ADAM17: variants seen among roughly 807,000 people sequenced by gnomAD.
ADAM17 encodes disintegrin and metalloproteinase domain-containing protein 17.
In ADAM17, 39 loss-of-function variants were observed where a neutral mutation model predicts 96.7. The observed-to-expected ratio is 0.40, with a 90% CI of 0.31 to 0.53. The LOEUF is 0.53. ADAM17 is among the 20% of genes least tolerant of loss of function. The probability of loss-of-function intolerance (pLI) is 0.44; values close to 1 mark genes in which losing one functional copy is unlikely to be tolerated. For missense variants in ADAM17, 777 were observed against 1,013.2 expected, an observed-to-expected ratio of 0.77 and a Z score of 3.17; for synonymous variants, 344 against 359.2, an observed-to-expected ratio of 0.96 and a Z score of 0.48.
At chr2:9,529,065 C>T (rs1558517834) in intron 4 of ADAM17, among the ~76,000 whole-genome samples, 1 of 152,314 alleles carries the variant, frequency 6.6e-6, no homozygotes, top group East Asian at 1.9e-4. Flanking sequence ...TTTATCCATA[C>T]AATGGAATAC....
At chr2:9,522,837 C>T (rs1347020167) in intron 7 of ADAM17, among the ~76,000 whole-genome samples, 1 of 151,858 alleles carries the variant, frequency 6.6e-6, no homozygotes, top group African/African-American at 2.4e-5. Flanking sequence ...GAGGAAAGAA[C>T]CTAAAGGTTC....
At chr2:9,505,388 G>A (rs1392727946) in intron 11 of ADAM17, 23 bp from the exon 12 acceptor site, 2 of 1,589,260 alleles carry the variant, frequency 1.3e-6, no homozygotes, top group Non-Finnish European at 8.6e-7. Flanking sequence ...AAGGCAATAA[G>A]GACCCAAAAT....
intron 7 of ADAM17, 97 bp from the exon 8 acceptor site, chr2:9,521,413 C>A: frequency 1.1e-6 from 1 of 890,468 alleles, no homozygotes; most frequent in East Asian, 2.8e-5. Flanking sequence ...AAGAATCGTT[C>A]TAGAAAAAAA....
At chr2:9,550,429 G>A (rs1053565366) in intron 1 of ADAM17, among the ~76,000 whole-genome samples, 4 of 145,632 alleles carry the variant, frequency 2.7e-5, no homozygotes, top group African/African-American at 7.7e-5. Flanking sequence ...ACCTGTATCC[G>A]ATACTCATTC....
intron 11 of ADAM17, among the ~76,000 whole-genome samples, chr2:9,508,269 C>T (rs568592141): frequency 6.6e-6 from 1 of 152,282 alleles, no homozygotes; most frequent in Non-Finnish European, 1.5e-5. Context: ...AATATTCAAG[C>T]ATCTATGAAG....
chr2:9,553,691 GAAAGAAAAAGA>G (rs1665654999), intron 1 of ADAM17, among the ~76,000 whole-genome samples: 1 of 135,572 alleles, frequency 7.4e-6, no homozygotes, highest in Non-Finnish European at 1.6e-5. Flanking sequence ...AAAAAAAAAA[GAAAGAAAAAGA>G]AAAGAAAAGA....
rs879114883 is a variant in ADAM17, at chr2:9,496,859, T to C, written c.1783+255A>G. Among the ~76,000 whole-genome samples the C allele has an allele frequency of 3.9e-5, 6 of 152,158 alleles. No homozygotes were observed. The South Asian group carries it at 1.2e-3, about 32-fold the overall frequency. ...TCACCCCCAACAAAATTCCCTCCTC[T>C]CCCACCTCAAAGCCTGCCATATGGC... On this transcript the variant is annotated intron_variant, in intron 14 of 18. Transcript: ENST00000310823.
At chr2:9,554,017 C>T (rs1415744964) in intron 1 of ADAM17, among the ~76,000 whole-genome samples, 6 of 150,794 alleles carry the variant, frequency 4.0e-5, no homozygotes, top group African/African-American at 7.3e-5. Flanking sequence ...GAGCTGAGAT[C>T]GCGCCACTGC....
intron 10 of ADAM17, among the ~76,000 whole-genome samples, chr2:9,510,509 C>G (rs1166205162): frequency 6.6e-6 from 1 of 151,946 alleles, no homozygotes; most frequent in Non-Finnish European, 1.5e-5. Flanking sequence ...ACTAAAAATA[C>G]AAAAATTAGC....
intron 13 of ADAM17, among the ~76,000 whole-genome samples, chr2:9,498,295 G>C (rs192500142): frequency 6.1e-4 from 93 of 152,278 alleles, no homozygotes; most frequent in Admixed American, 1.8e-3. Context: ...GGCCTTCCAA[G>C]TGCTGGAATG....
chr2:9,509,048 T>C (rs1468571073), intron 11 of ADAM17, among the ~76,000 whole-genome samples: 2 of 152,140 alleles, frequency 1.3e-5, no homozygotes, highest in African/African-American at 4.8e-5. Context: ...GGCAGAAATT[T>C]CAGAAAGCAG....
intron 10 of ADAM17, among the ~76,000 whole-genome samples, chr2:9,511,892 A>T (rs2125010467): frequency 6.6e-6 from 1 of 152,176 alleles, no homozygotes; most frequent in East Asian, 1.9e-4. Context: ...AATTGCTTGA[A>T]CCCAGGAGGC....
At position 9,495,722 on chromosome 2, in the gene ADAM17, AAAG is replaced by A. The variant is rs1355300574; in HGVS notation, c.1784-958_1784-956del. Reference sequence around the variant, plus strand: ...GTGAGACTCCATCTCAAAAAAAAAAAAAGAAAACCTTTTCATCATTCACTAATT... The same window carrying A: ...GTGAGACTCCATCTCAAAAAAAAAAAAAAACCTTTTCATCATTCACTAATT... On this transcript the variant is annotated intron_variant, in intron 14 of 18. Coordinates refer to ENST00000310823, the MANE Select transcript of ADAM17 (RefSeq NM_003183.6). 2.1e-3 allele frequency among the ~76,000 whole-genome samples: 321 copies of A among 151,770 alleles called. 2 individuals are homozygous for A. The highest frequency in any genetic ancestry group is 7.2e-3 in the African/African-American group (296 of 41,300).
In ADAM17 at chr2:9,492,931, A is replaced by G. The variant is rs1662278523; in HGVS notation, c.2049T>C (p.Phe683=). ...GGACAAGAATGCTGAAAGGAATCCA[A>G]AATATCAAGGAGAAAACCAGGACAG... is the stretch of plus-strand genomic sequence containing the variant. ...VGSVLVFSLI[F]WIPFSILVHC... Residue 683 remains phenylalanine (F), a synonymous_variant, in exon 17 of 19, where the codon TTT becomes TTC. Coordinates refer to ENST00000310823, the MANE Select transcript of ADAM17 (RefSeq NM_003183.6). The G allele has an allele frequency of 6.2e-7, 1 of 1,613,186 alleles. No homozygotes were observed. The highest frequency in any genetic ancestry group is 8.5e-7 in the Non-Finnish European group (1 of 1,179,504).
Position 9,536,705 on chromosome 2 carries a change from G to C in ADAM17, c.354C>G (p.His118Gln). Residue 118 changes from histidine to glutamine, a missense_variant, in exon 3 of 19, where the codon CAC becomes CAG. Physicochemically the swap from His to Gln is conservative, Grantham distance 24 (BLOSUM62 0). Around this residue, in one of 3 missense-constraint regions of ADAM17, gnomAD observed 446 missense variants for 664.7 expected, o/e 0.67. Transcript: ENST00000310823. ...TVKWQDFFTG[H>Q]VVGEPDSRVL... Reference sequence around the variant, plus strand: ...AACAAGCTCCATACTAACCAACCACGTGTCCAGTGAAGAAGTCCTGCCATT... The same window carrying C: ...AACAAGCTCCATACTAACCAACCACCTGTCCAGTGAAGAAGTCCTGCCATT... The C allele has an allele frequency of 1.2e-6, 2 of 1,613,892 alleles. No individual in the cohort carries two copies. Among genetic ancestry groups the C allele is most frequent in the South Asian group, 2.2e-5 (2 of 91,074 alleles).
chr2:9,518,795 G>C lies in ADAM17; in HGVS notation c.958-548C>G, dbSNP rs990743092. 2.0e-5 allele frequency among the ~76,000 whole-genome samples: 3 copies of C among 151,706 alleles called. No homozygotes were observed. The South Asian group carries it at 6.3e-4, about 32-fold the overall frequency. ...CCATTTAAATCAACACTGCAGGTTTGAGAGGATTTTTTTTTTCTTAATTTA... is the reference window on the plus strand; with the variant it reads ...CCATTTAAATCAACACTGCAGGTTTCAGAGGATTTTTTTTTTCTTAATTTA... On this transcript the variant is annotated intron_variant, in intron 8 of 18. Transcript: ENST00000310823.
At chr2:9,526,932 C>T (rs1030297514) in intron 5 of ADAM17, among the ~76,000 whole-genome samples, 2 of 152,106 alleles carry the variant, frequency 1.3e-5, no homozygotes, top group Non-Finnish European at 2.9e-5. Flanking sequence ...TCAAGATATT[C>T]ACATTGAAAA....
chr2:9,543,093 T>C, intron 2 of ADAM17, 60 bp downstream of exon 2: 3 of 1,478,902 alleles, frequency 2.0e-6, no homozygotes. Context: ...CTTACTTTTT[T>C]GTTTTTGCCA....
At chr2:9,499,021 G>A (rs1662818365) in intron 13 of ADAM17, among the ~76,000 whole-genome samples, 1 of 152,090 alleles carries the variant, frequency 6.6e-6, no homozygotes, top group African/African-American at 2.4e-5. Context: ...TAGATCCAGG[G>A]AGGGGACTGA....
Sources: gnomAD v4.1 joint callset for allele counts (sites outside exome capture counted in the v4.1 genomes callset) on GRCh38, gnomAD v4.1.1 for gene constraint, gnomAD v4.1.1 regional missense constraint, MANE v1.5 for transcripts, NCBI Gene and HGNC (gene_info 2026-07-23, HGNC 2026-07-21) for gene names.